Variants in SNX30 observed in about 807,000 individuals in gnomAD.
SNX30 encodes the protein sorting nexin-30.
A neutral mutation model predicts 46.4 loss-of-function variants in SNX30; 24 were observed. That is an observed-to-expected ratio of 0.52 (90% CI 0.37 to 0.73). The LOEUF (loss-of-function observed/expected upper bound fraction) is 0.73. Ranked by LOEUF, SNX30 falls within the 30% of genes least tolerant of loss-of-function variation. The pLI is 0.00. For missense variants in SNX30, 533 were observed against 555.7 expected, an observed-to-expected ratio of 0.96 and a Z score of 0.41; for synonymous variants, 189 against 211.5, an observed-to-expected ratio of 0.89 and a Z score of 0.92.
chr9:112,850,343 A>G (rs1841002671), intron 6 of SNX30, among the ~76,000 whole-genome samples: 1 of 152,218 alleles, frequency 6.6e-6, no homozygotes, highest in African/African-American at 2.4e-5. Context: ...TGCTCTTTCT[A>G]TACCTGGACC....
At chr9:112,826,397 G>A (rs1840579861) in intron 3 of SNX30, among the ~76,000 whole-genome samples, 1 of 152,168 alleles carries the variant, frequency 6.6e-6, no homozygotes, top group Non-Finnish European at 1.5e-5. Flanking sequence ...CAAAAAGATT[G>A]AATGAGCCAG....
intron 1 of SNX30, among the ~76,000 whole-genome samples, chr9:112,756,085 T>C (rs1362464242): frequency 6.6e-6 from 1 of 152,220 alleles, no homozygotes; most frequent in African/African-American, 2.4e-5. Context: ...AAAAGTTATC[T>C]GTACAGTTTA....
At chr9:112,829,657 T>A (rs1554754249) in intron 3 of SNX30, among the ~76,000 whole-genome samples, 2 of 152,234 alleles carry the variant, frequency 1.3e-5, no homozygotes, top group Non-Finnish European at 2.9e-5. Flanking sequence ...TTTAACTTAT[T>A]GAGGAACCAC....
intron 1 of SNX30, among the ~76,000 whole-genome samples, chr9:112,791,012 A>AT (rs1288858502): frequency 1.3e-5 from 2 of 152,180 alleles, no homozygotes; most frequent in Non-Finnish European, 2.9e-5. Context: ...AAAGGTCTTC[A>AT]TTTTTAAAAT....
At position 112,762,239 on chromosome 9, in the gene SNX30, T is replaced by TGG. The variant is rs142531047; in HGVS notation, c.156+11088_156+11089dup. Among the ~76,000 whole-genome samples, 104 of 149,832 alleles carry TGG rather than the reference T, an allele frequency of 6.9e-4. 1 individual carries two copies. The East Asian group carries it at 0.017, about 24-fold the overall frequency. On this transcript the variant is annotated intron_variant, in intron 1 of 8. Coordinates refer to ENST00000374232, the MANE Select transcript of SNX30 (RefSeq NM_001012994.2). ...GTGTGAATTTTTGTGTGTGTGTTGG[T>TGG]GGGGGGGAAGTGGGATAGTGGAAAA...
intron 1 of SNX30, among the ~76,000 whole-genome samples, chr9:112,753,061 A>T (rs1471410897): frequency 6.6e-6 from 1 of 152,246 alleles, no homozygotes; most frequent in Non-Finnish European, 1.5e-5. Context: ...TCTGTTGGTC[A>T]CACAGATTGA....
intron 8 of SNX30, among the ~76,000 whole-genome samples, chr9:112,865,272 C>T (rs1185476395): frequency 6.6e-6 from 1 of 151,742 alleles, no homozygotes; most frequent in African/African-American, 2.4e-5. Flanking sequence ...AGAGATGACT[C>T]TTATCAGGCT....
intron 1 of SNX30, among the ~76,000 whole-genome samples, chr9:112,774,766 CTT>C (rs1313575668): frequency 1.3e-5 from 2 of 150,064 alleles, no homozygotes; most frequent in Non-Finnish European, 3.0e-5. Context: ...TTTGTGAAGT[CTT>C]TGTTCAAATC....
downstream of SNX30, chr9:112,885,294 T>G (rs776933299): frequency 2.6e-5 from 4 of 152,118 alleles, no homozygotes; most frequent in Admixed American, 6.6e-5. Context: ...GAACAAGCCT[T>G]CCTTTATTTT....
At chr9:112,863,965 T>G (rs919576885) in intron 7 of SNX30, among the ~76,000 whole-genome samples, 7 of 152,322 alleles carry the variant, frequency 4.6e-5, no homozygotes, top group Admixed American at 2.0e-4. Flanking sequence ...TGAATTGCAA[T>G]GTTTCTTCTT....
chr9:112,771,065 C>A (rs567176911), intron 1 of SNX30, among the ~76,000 whole-genome samples: 1 of 152,092 alleles, frequency 6.6e-6, no homozygotes, highest in African/African-American at 2.4e-5. Flanking sequence ...AGTTATTCTC[C>A]CCCTTTACCT....
At chr9:112,763,249 C>T (rs1179971900) in intron 1 of SNX30, among the ~76,000 whole-genome samples, 1 of 151,650 alleles carries the variant, frequency 6.6e-6, no homozygotes, top group Non-Finnish European at 1.5e-5. Flanking sequence ...CTCCTACAGC[C>T]TCAAAATCCT....
chr9:112,794,327 A>AT (rs1428746428), intron 1 of SNX30, among the ~76,000 whole-genome samples: 1 of 151,778 alleles, frequency 6.6e-6, no homozygotes, highest in Non-Finnish European at 1.5e-5. Flanking sequence ...TAATTTTTGT[A>AT]TTTTTAGTAG....
intron 1 of SNX30, among the ~76,000 whole-genome samples, chr9:112,764,167 A>G (rs1258890787): frequency 6.6e-6 from 1 of 152,168 alleles, no homozygotes; most frequent in Admixed American, 6.5e-5. Context: ...GAAGGAATAC[A>G]TGTCTTACAA....
At chr9:112,772,114 G>A (rs2131365540) in intron 1 of SNX30, among the ~76,000 whole-genome samples, 1 of 152,302 alleles carries the variant, frequency 6.6e-6, no homozygotes, top group East Asian at 1.9e-4. Flanking sequence ...CCGTGAAAGA[G>A]GAAGAGGTGT....
chr9:112,809,029 GTC>G (rs1482528852), intron 2 of SNX30, among the ~76,000 whole-genome samples: 5 of 152,024 alleles, frequency 3.3e-5, no homozygotes, highest in Non-Finnish European at 5.9e-5. Flanking sequence ...TTGAGTCCAG[GTC>G]TCTCTGATTC....
chr9:112,781,323 C>T lies in SNX30; in HGVS notation c.157-23453C>T, dbSNP rs527888251. On this transcript the variant is annotated intron_variant, in intron 1 of 8. Transcript: ENST00000374232. ...CTTTTAAATACTGATTTTTCAAAACCCTTAATATGTTAAAGCAAACAACCT... is the reference window on the plus strand; with the variant it reads ...CTTTTAAATACTGATTTTTCAAAACTCTTAATATGTTAAAGCAAACAACCT... Among the ~76,000 whole-genome samples the T allele has an allele frequency of 8.5e-5, 13 of 152,126 alleles. No homozygotes were observed. In the South Asian group the frequency reaches 2.5e-3, roughly 29 times the overall value.
chr9:112,851,047 C>A, intron 7 of SNX30, 102 bp downstream of exon 7: 1 of 790,908 alleles, frequency 1.3e-6, no homozygotes, highest in Non-Finnish European at 2.1e-6. Context: ...TGGTCAGTGC[C>A]GGCTGGGCTA....
chr9:112,857,242 A>G (rs1306011716), intron 7 of SNX30, among the ~76,000 whole-genome samples: 3 of 152,124 alleles, frequency 2.0e-5, no homozygotes, highest in Non-Finnish European at 4.4e-5. Context: ...CCCACTGACC[A>G]TTCTCTGAAG....
Sources: gnomAD v4.1 joint callset for allele counts (sites outside exome capture counted in the v4.1 genomes callset) on GRCh38, gnomAD v4.1.1 for gene constraint, MANE v1.5 for transcripts, NCBI Gene and HGNC (gene_info 2026-07-23, HGNC 2026-07-21) for gene names.